Variants in EIF2S3 observed in about 807,000 individuals in gnomAD.
EIF2S3 encodes the protein eukaryotic translation initiation factor 2 subunit gamma.
EIF2S3 carries 2 observed loss-of-function variants against 31.7 expected under a neutral mutation model. The ratio of observed to expected loss-of-function variants is 0.06; its 90% CI spans 0.03 to 0.20. The LOEUF is 0.20. Ranked by LOEUF, EIF2S3 falls within the 10% of genes least tolerant of loss-of-function variation. EIF2S3 has a pLI of 1.00. For missense variants in EIF2S3, 96 were observed against 359.3 expected, an observed-to-expected ratio of 0.27 and a Z score of 5.92; for synonymous variants, 120 against 126.7, an observed-to-expected ratio of 0.95 and a Z score of 0.36.
intron 7 of EIF2S3, among the ~76,000 whole-genome samples, chrX:24,065,660 G>C (rs1930560890): frequency 9.0e-6 from 1 of 111,649 alleles, no homozygotes; most frequent in Non-Finnish European, 1.9e-5. Context: ...ATGGAAGTGG[G>C]ATTATATTAT....
chrX:24,057,024 G>GTATTTATT (rs56885833), intron 2 of EIF2S3, among the ~76,000 whole-genome samples: 137 of 107,899 alleles, frequency 1.3e-3, no homozygotes, highest in Admixed American at 3.1e-3. Context: ...GGCTTTAATT[G>GTATTTATT]TATTTATTTA....
At position 24,075,819 on chromosome X, in the gene EIF2S3, C is replaced by T. The variant is rs774520062; in HGVS notation, c.1356-903C>T. ...TGGCATGATCATAGCTCACTGCAGC[C>T]TCAGTGTCTAAGTAGCTAGGACTAT... On this transcript the variant is annotated intron_variant, in intron 11 of 11. Transcript: ENST00000253039. Among the ~76,000 whole-genome samples the T allele has an allele frequency of 1.9e-4, 21 of 111,172 alleles. 1 individual carries two copies. The Admixed American group carries it at 1.9e-3, about 10-fold the overall frequency.
chrX:24,071,449 C>T (rs1025081798), intron 9 of EIF2S3, 109 bp from the exon 10 acceptor site: 7 of 866,542 alleles, frequency 8.1e-6, no homozygotes, highest in Middle Eastern at 4.3e-4. Context: ...CTCGGCCTCC[C>T]AAAGTGCTGG....
intron 10 of EIF2S3, among the ~76,000 whole-genome samples, chrX:24,072,575 C>T (rs1263744337): frequency 2.7e-5 from 3 of 111,827 alleles, no homozygotes; most frequent in Non-Finnish European, 5.6e-5. Context: ...TGATCCACTG[C>T]GCCCAGCTTC....
Position 24,075,844 on chromosome X carries a change from T to G in EIF2S3, c.1356-878T>G, listed in dbSNP as rs141665254. On this transcript the variant is annotated intron_variant, in intron 11 of 11. Coordinates refer to ENST00000253039, the MANE Select transcript of EIF2S3 (RefSeq NM_001415.4). Reference sequence around the variant, plus strand: ...CTCAGTGTCTAAGTAGCTAGGACTATTGGCTCACACCACCGTGATCAGCTA... The same window carrying G: ...CTCAGTGTCTAAGTAGCTAGGACTAGTGGCTCACACCACCGTGATCAGCTA... Among the ~76,000 whole-genome samples, 584 of 111,117 alleles carry G rather than the reference T, an allele frequency of 5.3e-3. 4 individuals carry two copies. Among genetic ancestry groups the G allele is most frequent in the African/African-American group, 0.018 (552 of 30,585 alleles).
At chrX:24,074,509 A>G (rs1256211687) in intron 11 of EIF2S3, among the ~76,000 whole-genome samples, 1 of 111,592 alleles carries the variant, frequency 9.0e-6, no homozygotes, top group Non-Finnish European at 1.9e-5. Flanking sequence ...GCCAGTACAA[A>G]TAGCCTGCTG....
intron 2 of EIF2S3, 32 bp from the exon 3 acceptor site, chrX:24,057,389 A>T (rs752231864): frequency 1.7e-6 from 2 of 1,176,851 alleles, no homozygotes; most frequent in Non-Finnish European, 2.3e-6. Flanking sequence ...AATTAAATAC[A>T]CATGAATTAA....
chrX:24,066,523 C>CTTT (rs113989989), intron 8 of EIF2S3, among the ~76,000 whole-genome samples: 10 of 94,297 alleles, frequency 1.1e-4, no homozygotes, highest in Non-Finnish European at 1.7e-4. Context: ...CTTTTCTTTT[C>CTTT]TTTTTTTTTT....
chrX:24,068,358 TAAA>T, intron 9 of EIF2S3, among the ~76,000 whole-genome samples: 1 of 111,553 alleles, frequency 9.0e-6, no homozygotes, highest in Non-Finnish European at 1.9e-5. Context: ...TTTAGCAATA[TAAA>T]AAAATAAATT....
chrX:24,060,948 CAAAAAAA>C (rs35873085), intron 5 of EIF2S3, among the ~76,000 whole-genome samples: 1 of 24,322 alleles, frequency 4.1e-5, no homozygotes, highest in African/African-American at 1.9e-4. Flanking sequence ...AACTACATCT[CAAAAAAA>C]AAAAAAAAAA....
At chrX:24,059,461 T>TG (rs1027488297) in intron 4 of EIF2S3, among the ~76,000 whole-genome samples, 2 of 110,198 alleles carry the variant, frequency 1.8e-5, no homozygotes, top group Middle Eastern at 4.6e-3. Context: ...TCACTCTTGT[T>TG]GCCCAGGCTG....
Position 24,057,729 on chromosome X carries a change from A to G in EIF2S3, c.358A>G (p.Thr120Ala), listed in dbSNP as rs1168237439. 2 of 1,207,676 alleles carry G rather than the reference A, an allele frequency of 1.7e-6. No individual in the cohort carries two copies. The highest frequency in any genetic ancestry group is 2.2e-6 in the Non-Finnish European group (2 of 894,448). The change falls in exon 4 of 12, where the codon ACC becomes GCC. Residue 120 changes from threonine to alanine, a missense_variant. By Grantham distance (58) the Thr-to-Ala change is moderately conservative (BLOSUM62 0). Coordinates refer to ENST00000253039, the MANE Select transcript of EIF2S3 (RefSeq NM_001415.4). ...CGAGTTTCCTACGGACATTCCAGGG[A>G]CCAAAGGGAACTTCAAATTAGTCAG... ...PDEFPTDIPG[T>A]KGNFKLVRHV...
intron 6 of EIF2S3, 104 bp from the exon 7 acceptor site, chrX:24,064,097 G>C (rs1930535583): frequency 1.4e-6 from 1 of 712,675 alleles, no homozygotes. Context: ...TGGGGTTTAG[G>C]CATCTATTTT....
rs1930787281 is a variant in EIF2S3 at position 24,078,217 on chromosome X, G to T, written c.*1432G>T. 9.1e-6 allele frequency among the ~76,000 whole-genome samples: 1 copy of T among 110,483 alleles called. No individual in the cohort carries two copies. The highest frequency in any genetic ancestry group is 9.7e-5 in the Admixed American group (1 of 10,283). On this transcript the variant is annotated 3_prime_UTR_variant, in exon 12 of 12. Coordinates refer to ENST00000253039, the MANE Select transcript of EIF2S3 (RefSeq NM_001415.4). Reference sequence around the variant, plus strand: ...ATTTTTGTATTTTTAGTAGAGATGGGGTTTCACCATGTTGCCCAGGCTGGT... The same window carrying T: ...ATTTTTGTATTTTTAGTAGAGATGGTGTTTCACCATGTTGCCCAGGCTGGT...
In EIF2S3 at chrX:24,055,622, C is replaced by A; in HGVS notation, c.77C>A (p.Thr26Asn). ...SRQDLTTLDV[T>N]KLTPLSHEVI... is the part of the protein sequence containing the mutation. ...AAATATATTTCATTGCAGGATGTTA[C>A]CAAGTTGACGCCACTTTCACACGAA... The change falls in exon 2 of 12, where the codon ACC becomes AAC. Residue 26 changes from threonine to asparagine, a missense_variant. Physicochemically the swap from Thr to Asn is moderately conservative, Grantham distance 65 (BLOSUM62 0). Transcript: ENST00000253039. 1.7e-6 allele frequency: 2 copies of A among 1,211,021 alleles called. No homozygotes were observed. Among genetic ancestry groups the A allele is most frequent in the Non-Finnish European group, 2.2e-6 (2 of 894,757 alleles).
intron 5 of EIF2S3, among the ~76,000 whole-genome samples, chrX:24,062,003 C>T (rs1032820489): frequency 2.7e-5 from 3 of 111,275 alleles, no homozygotes; most frequent in Non-Finnish European, 5.7e-5. Context: ...TGAAGCAGGG[C>T]CAAAAGGTGG....
intron 11 of EIF2S3, among the ~76,000 whole-genome samples, chrX:24,074,847 T>C (rs1930726247): frequency 1.2e-5 from 1 of 84,645 alleles, no homozygotes; most frequent in South Asian, 4.8e-4. Context: ...GTACTCATCA[T>C]TTTTTTTTCT....
At chrX:24,073,288 G>C in intron 11 of EIF2S3, 25 bp downstream of exon 11, 3 of 1,206,518 alleles carry the variant, frequency 2.5e-6, no homozygotes, top group Non-Finnish European at 3.4e-6. Context: ...CTTTGCCACT[G>C]TCTAATTAAA....
At chrX:24,065,673 G>A (rs57599291) in intron 7 of EIF2S3, among the ~76,000 whole-genome samples, 2,248 of 111,626 alleles carry the variant, frequency 0.02, 60 homozygotes, top group African/African-American at 0.07. Flanking sequence ...TATATTATGC[G>A]TGTAATTTTT....
Sources: allele counts gnomAD v4.1 joint callset (sites outside exome capture counted in the v4.1 genomes callset), GRCh38; gene constraint gnomAD v4.1.1; transcripts MANE v1.5; gene names NCBI Gene and HGNC (gene_info 2026-07-23, HGNC 2026-07-21).